TGM3: variants seen among roughly 807,000 people sequenced by gnomAD.
TGM3 encodes protein-glutamine gamma-glutamyltransferase E.
A neutral mutation model predicts 73.8 loss-of-function variants in TGM3; 52 were observed. The ratio of observed to expected loss-of-function variants is 0.70; its 90% CI spans 0.56 to 0.89. The LOEUF (loss-of-function observed/expected upper bound fraction) is 0.89, where lower values mean the gene tolerates loss of function less well. Ranked by LOEUF, TGM3 falls within the 40% of genes least tolerant of loss-of-function variation. TGM3 has a pLI of 0.00. For missense variants in TGM3, 928 were observed against 909.9 expected, an observed-to-expected ratio of 1.02 and a Z score of -0.26; for synonymous variants, 372 against 354.9, an observed-to-expected ratio of 1.05 and a Z score of -0.54.
intron 11 of TGM3, among the ~76,000 whole-genome samples, chr20:2,337,071 G>C (rs901995605): frequency 2.0e-5 from 3 of 152,144 alleles, no homozygotes. Flanking sequence ...AACTCCATGA[G>C]GGCAGGCATT....
chr20:2,340,734 C>T lies in TGM3; in HGVS notation c.*153C>T, dbSNP rs980741580. The T allele has an allele frequency of 1.9e-5, 18 of 969,882 alleles. No homozygotes were observed. The highest frequency in any genetic ancestry group is 4.3e-5 in the South Asian group (3 of 69,378). 60.1% of individuals were successfully genotyped at this position (969,882 alleles called of 1,614,324 possible). ...GGACCTCCAGGCTCCAGCACATCCC[C>T]CTCTCCTCTCCCCCAGGTTGGGGCT... On this transcript the variant is annotated 3_prime_UTR_variant, in exon 13 of 13. Transcript: ENST00000381458.
intron 3 of TGM3, 77 bp downstream of exon 3, chr20:2,310,494 A>T: frequency 6.4e-7 from 1 of 1,569,576 alleles, no homozygotes; most frequent in Non-Finnish European, 8.6e-7. Flanking sequence ...AATGATCTTC[A>T]CAGGCTCAAG....
At position 2,332,553 on chromosome 20, in the gene TGM3, G is replaced by C. The variant is rs1325851720; in HGVS notation, c.1642+243G>C. Among the ~76,000 whole-genome samples the C allele has an allele frequency of 2.6e-5, 4 of 152,212 alleles. No homozygotes were observed. Among genetic ancestry groups the C allele is most frequent in the African/African-American group, 9.7e-5 (4 of 41,450 alleles). ...TACGCCCCAAGGGAGGAAGGAGGGA[G>C]GCTTTGGCAGTTCATAGCTATGGCA... is the stretch of plus-strand genomic sequence containing the variant. On this transcript the variant is annotated intron_variant, in intron 10 of 12. Coordinates refer to ENST00000381458, the MANE Select transcript of TGM3 (RefSeq NM_003245.4). This position sits in a 1 kb window ranked among gnomAD's most constrained non-coding sequence, Gnocchi z 4.4.
chr20:2,332,150 A>C lies in TGM3; in HGVS notation c.1482A>C (p.Ala494=). 1 of 1,614,234 alleles carries C rather than the reference A, an allele frequency of 6.2e-7. No individual in the cohort carries two copies. Among genetic ancestry groups the C allele is most frequent in the African/African-American group, 1.3e-5 (1 of 75,062 alleles). Reference sequence around the variant, plus strand: ...AGCTGAAGGTCGCTGGCATGCTGGCAGTAGGCAAAGAAGTCAACCTGGTCC... The same window carrying C: ...AGCTGAAGGTCGCTGGCATGCTGGCCGTAGGCAAAGAAGTCAACCTGGTCC... ...IGKLKVAGML[A]VGKEVNLVLL... is the part of the protein sequence containing the mutation. The change falls in exon 10 of 13, where the codon GCA becomes GCC. Residue 494 remains alanine, a synonymous_variant. Coordinates refer to ENST00000381458, the MANE Select transcript of TGM3 (RefSeq NM_003245.4). This position sits in a 1 kb window ranked among gnomAD's most constrained non-coding sequence, Gnocchi z 4.4.
At position 2,340,942 on chromosome 20, in the gene TGM3, C is replaced by T. The variant is rs1307231060; in HGVS notation, c.*361C>T. 1 of 475,486 alleles carries T rather than the reference C, an allele frequency of 2.1e-6. No homozygotes were observed. Among genetic ancestry groups the T allele is most frequent in the East Asian group, 6.5e-5 (1 of 15,402 alleles). 29.5% of individuals were successfully genotyped at this position (475,486 alleles called of 1,614,324 possible). ...GATACAGGAGAGAAGCTGGTCTAGA[C>T]TGTTTGCTGATCCCCAACCTGCACG... On this transcript the variant is annotated 3_prime_UTR_variant, in exon 13 of 13. Coordinates refer to ENST00000381458, the MANE Select transcript of TGM3 (RefSeq NM_003245.4).
At chr20:2,340,283 GC>G in intron 12 of TGM3, 150 bp from the exon 13 acceptor site, 1 of 1,227,280 alleles carries the variant, frequency 8.1e-7, no homozygotes, top group Non-Finnish European at 1.1e-6. Flanking sequence ...GGCTGGAGGG[GC>G]CCCGTAACCC....
chr20:2,303,581 A>G (rs2084163103), intron 1 of TGM3, among the ~76,000 whole-genome samples: 1 of 152,226 alleles, frequency 6.6e-6, no homozygotes. Flanking sequence ...TTTTTAAAAG[A>G]GAGAGTTCCT....
intron 9 of TGM3, among the ~76,000 whole-genome samples, chr20:2,329,530 T>A (rs1400880800): frequency 6.6e-6 from 1 of 152,178 alleles, no homozygotes; most frequent in Non-Finnish European, 1.5e-5. Context: ...ACTGAGTGCC[T>A]GCTTCATGCT....
chr20:2,333,987 TCA>T (rs1227373204), intron 10 of TGM3, among the ~76,000 whole-genome samples: 1 of 152,180 alleles, frequency 6.6e-6, no homozygotes, highest in Non-Finnish European at 1.5e-5. Context: ...AGCTTCCTCC[TCA>T]CAGTCTTACC....
chr20:2,335,004 G>A (rs1267430800), intron 10 of TGM3, 112 bp from the exon 11 acceptor site: 3 of 1,369,702 alleles, frequency 2.2e-6, no homozygotes, highest in Non-Finnish European at 3.0e-6. Flanking sequence ...CAAGCCCGGG[G>A]CTGCAGATCC....
intron 1 of TGM3, among the ~76,000 whole-genome samples, chr20:2,305,075 T>C (rs2084170138): frequency 6.6e-6 from 1 of 152,210 alleles, no homozygotes. Context: ...AGCACTTCCA[T>C]GAGTTCAGCC....
At chr20:2,299,735 G>A (rs954843965) in intron 1 of TGM3, among the ~76,000 whole-genome samples, 4 of 152,194 alleles carry the variant, frequency 2.6e-5, no homozygotes, top group East Asian at 1.9e-4. Context: ...TATAAGTGTA[G>A]ATGATAAACG....
rs771072378 is a variant in TGM3, at chr20:2,317,053, G to A, written c.670-15G>A. 6 of 1,611,756 alleles carry A rather than the reference G, an allele frequency of 3.7e-6. No homozygotes were observed. The South Asian group carries it at 4.4e-5, about 12-fold the overall frequency. ...ATTAGTGCTGACTCATTTTGGGGGG[G>A]TGGTTTCTGCCCAGATCAATAGCAA... is the stretch of plus-strand genomic sequence containing the variant. On this transcript the variant is annotated splice_polypyrimidine_tract_variant and intron_variant, in intron 5 of 12. Transcript: ENST00000381458.
intron 1 of TGM3, among the ~76,000 whole-genome samples, chr20:2,306,508 G>T (rs1319019450): frequency 9.6e-5 from 12 of 124,694 alleles, no homozygotes; most frequent in Admixed American, 3.2e-4. Flanking sequence ...ATGGAATCTC[G>T]CTCTGTTACC....
chr20:2,336,292 A>C (rs1463858198), intron 11 of TGM3, among the ~76,000 whole-genome samples: 1 of 152,156 alleles, frequency 6.6e-6, no homozygotes, highest in African/African-American at 2.4e-5. Context: ...CTGGACAAGG[A>C]CAGGCAGACA....
intron 8 of TGM3, 28 bp downstream of exon 8, chr20:2,325,980 C>A: frequency 6.4e-7 from 1 of 1,568,644 alleles, no homozygotes; most frequent in East Asian, 2.3e-5. Context: ...GGTTCTGAGT[C>A]GTGAGCCTCA....
chr20:2,302,458 CAG>C (rs1418230635), intron 1 of TGM3, among the ~76,000 whole-genome samples: 1 of 152,100 alleles, frequency 6.6e-6, no homozygotes. Context: ...AAAAATAAGA[CAG>C]AAGCTTATTT....
Position 2,306,472 on chromosome 20 carries a change from C to CTTT in TGM3, c.8-3171_8-3169dup, listed in dbSNP as rs33929365. Among the ~76,000 whole-genome samples, 285 of 129,576 alleles carry CTTT rather than the reference C, an allele frequency of 2.2e-3. 1 individual carries two copies. The highest frequency in any genetic ancestry group is 4.0e-3 in the Middle Eastern group (1 of 250). 85.0% of individuals were successfully genotyped at this position (129,576 alleles called of 152,430 possible). ...TTCTTTTTTCTTTTTCTTTTCCTTT[C>CTTT]TTTTTTTTTTTTTTTTCATTTTGAG... On this transcript the variant is annotated intron_variant, in intron 1 of 12. Coordinates refer to ENST00000381458, the MANE Select transcript of TGM3 (RefSeq NM_003245.4).
chr20:2,300,195 TAGAA>T (rs558059872), intron 1 of TGM3, among the ~76,000 whole-genome samples: 545 of 94,276 alleles, frequency 5.8e-3, no homozygotes, highest in African/African-American at 0.011. Flanking sequence ...GAGAAAGAAA[TAGAA>T]AGAGAAAGAA....
Sources: allele counts gnomAD v4.1 joint callset (sites outside exome capture counted in the v4.1 genomes callset), GRCh38; gene constraint gnomAD v4.1.1; non-coding constraint Gnocchi (gnomAD v3.1); transcripts MANE v1.5; gene names NCBI Gene and HGNC (gene_info 2026-07-23, HGNC 2026-07-21).